Variants in RPS6KA5 observed in about 807,000 individuals in gnomAD.
RPS6KA5 encodes ribosomal protein S6 kinase alpha-5.
Under a neutral mutation model 85.5 loss-of-function variants are expected in RPS6KA5, and 27 were observed. The observed-to-expected ratio is 0.32, with a 90% confidence interval of 0.23 to 0.44. The LOEUF is 0.44. RPS6KA5 is among the 20% of genes least tolerant of loss of function. The probability of loss-of-function intolerance (pLI) is 1.00; values close to 1 mark genes in which losing one functional copy is unlikely to be tolerated. For missense variants in RPS6KA5, 811 were observed against 980.9 expected, an observed-to-expected ratio of 0.83 and a Z score of 2.31; for synonymous variants, 334 against 348.2, an observed-to-expected ratio of 0.96 and a Z score of 0.46.
At chr14:90,896,337 TTTATC>T (rs1298681394) in intron 12 of RPS6KA5, among the ~76,000 whole-genome samples, 1 of 152,238 alleles carries the variant, frequency 6.6e-6, no homozygotes, top group Non-Finnish European at 1.5e-5. Flanking sequence ...GGGATGCTAC[TTTATC>T]TTATTAATTC....
intron 4 of RPS6KA5, among the ~76,000 whole-genome samples, chr14:90,944,190 TTC>T (rs1391224375): frequency 1.4e-4 from 22 of 152,246 alleles, no homozygotes; most frequent in African/African-American, 5.3e-4. Flanking sequence ...TCTGCATGAA[TTC>T]TGTTTCATGT....
chr14:90,993,755 T>A (rs1326044977), intron 2 of RPS6KA5, among the ~76,000 whole-genome samples: 1 of 152,210 alleles, frequency 6.6e-6, no homozygotes. Context: ...TCTTTATACT[T>A]GTATGCAAGT....
intron 1 of RPS6KA5, among the ~76,000 whole-genome samples, chr14:91,026,512 G>A (rs1199368898): frequency 1.3e-5 from 2 of 152,136 alleles, no homozygotes; most frequent in Non-Finnish European, 2.9e-5. Context: ...TTACAGGCAT[G>A]AGCCACCATG....
chr14:90,983,787 T>TTCTCTCTCTCTCTCTCTC (rs770148887), intron 2 of RPS6KA5, among the ~76,000 whole-genome samples: 1 of 129,334 alleles, frequency 7.7e-6, no homozygotes, highest in Non-Finnish European at 1.6e-5. Flanking sequence ...CTTTCTTTCT[T>TTCTCTCTCTCTCTCTCTC]TCTCTCTCTC....
Position 90,978,470 on chromosome 14 carries a change from A to G in RPS6KA5, c.230T>C (p.Leu77Pro). 1 of 1,613,510 alleles carries G rather than the reference A, an allele frequency of 6.2e-7. No homozygotes were observed. The highest frequency in any genetic ancestry group is 8.5e-7 in the Non-Finnish European group (1 of 1,179,740). The change falls in exon 3 of 17, where the codon CTG (leucine) becomes CCG (proline). Residue 77 changes from leucine to proline, a missense_variant. Leu to Pro is a moderately conservative substitution (Grantham distance 98). This residue lies in a region of RPS6KA5 where 113 missense variants were observed against 100.0 expected (regional missense o/e 1.13). Coordinates refer to ENST00000614987, the MANE Select transcript of RPS6KA5 (RefSeq NM_004755.4). ...CTTTTTCAAAACTTTCATGGCATAC[A>G]GCTTTCCAGTATCATGGCCACTTAT... Reference protein sequence around the residue: ...RKISGHDTGKLYAMKVLKKAT... With the variant: ...RKISGHDTGKPYAMKVLKKAT...
chr14:91,038,987 C>T (rs966029111), intron 1 of RPS6KA5, among the ~76,000 whole-genome samples: 3 of 152,122 alleles, frequency 2.0e-5, no homozygotes, highest in African/African-American at 7.2e-5. Context: ...TCACAGTGTA[C>T]CCTGCATTGA....
At chr14:91,058,097 T>A (rs1255318257) in intron 1 of RPS6KA5, among the ~76,000 whole-genome samples, 1 of 152,232 alleles carries the variant, frequency 6.6e-6, no homozygotes, top group Non-Finnish European at 1.5e-5. Flanking sequence ...ATTACTCTGG[T>A]GCCTATTATA....
intron 5 of RPS6KA5, among the ~76,000 whole-genome samples, chr14:90,936,493 G>A (rs1004903144): frequency 2.0e-5 from 3 of 152,126 alleles, no homozygotes; most frequent in Admixed American, 6.5e-5. Flanking sequence ...GACCCCAGGA[G>A]GCAGAAGTTG....
intron 8 of RPS6KA5, 125 bp from the exon 9 acceptor site, chr14:90,903,094 A>G (rs1595169536): frequency 1.3e-6 from 1 of 789,492 alleles, no homozygotes; most frequent in East Asian, 2.7e-5. Flanking sequence ...AACATATTTC[A>G]AATCAATAAT....
intron 1 of RPS6KA5, among the ~76,000 whole-genome samples, chr14:91,031,119 C>T (rs2042171090): frequency 6.6e-6 from 1 of 151,974 alleles, no homozygotes; most frequent in Admixed American, 6.5e-5. Context: ...TAAAACCTTC[C>T]AGAGATTTTA....
chr14:91,032,241 T>C (rs1387853094), intron 1 of RPS6KA5, among the ~76,000 whole-genome samples: 2 of 152,200 alleles, frequency 1.3e-5, no homozygotes, highest in Non-Finnish European at 2.9e-5. Context: ...CCATATTCTT[T>C]TGTGAATGTG....
intron 8 of RPS6KA5, 54 bp downstream of exon 8, chr14:90,906,095 G>C: frequency 6.7e-7 from 1 of 1,490,518 alleles, no homozygotes. Context: ...AGAACGCCAA[G>C]GACCCTGAAA....
intron 8 of RPS6KA5, among the ~76,000 whole-genome samples, chr14:90,904,052 C>T (rs1273775264): frequency 6.6e-6 from 1 of 151,996 alleles, no homozygotes; most frequent in African/African-American, 2.4e-5. Context: ...TGAGTTCACG[C>T]CATTCTCCTG....
intron 5 of RPS6KA5, among the ~76,000 whole-genome samples, chr14:90,924,227 A>G (rs1008785300): frequency 5.3e-5 from 8 of 152,158 alleles, no homozygotes; most frequent in Admixed American, 2.6e-4. Context: ...TTGCCATCTT[A>G]CCCAGTTCTA....
intron 1 of RPS6KA5, among the ~76,000 whole-genome samples, chr14:91,050,306 A>C (rs1484400849): frequency 6.6e-6 from 1 of 152,214 alleles, no homozygotes; most frequent in Non-Finnish European, 1.5e-5. Context: ...ACTTGAGCCC[A>C]AGAGTTTGAA....
intron 1 of RPS6KA5, among the ~76,000 whole-genome samples, chr14:91,022,653 T>C (rs2041830866): frequency 6.6e-6 from 1 of 152,232 alleles, no homozygotes; most frequent in Non-Finnish European, 1.5e-5. Flanking sequence ...TTCTGTGTGT[T>C]ACATTTCAAG....
At chr14:90,971,582 C>T (rs1197778056) in intron 3 of RPS6KA5, among the ~76,000 whole-genome samples, 1 of 152,156 alleles carries the variant, frequency 6.6e-6, no homozygotes, top group Non-Finnish European at 1.5e-5. Context: ...TTACTAAAAG[C>T]AAAATGTCAC....
At chr14:90,956,755 A>C (rs1036906910) in intron 3 of RPS6KA5, among the ~76,000 whole-genome samples, 1 of 151,602 alleles carries the variant, frequency 6.6e-6, no homozygotes, top group African/African-American at 2.4e-5. Flanking sequence ...GTTTATACCA[A>C]CTTCTGGTTA....
chr14:90,882,938 T>C (rs561643461), intron 14 of RPS6KA5, among the ~76,000 whole-genome samples: 38 of 152,106 alleles, frequency 2.5e-4, no homozygotes, highest in South Asian at 2.5e-3. Context: ...GCTGGGATTA[T>C]AGGTGTGTGC....
Sources: gnomAD v4.1 joint callset for allele counts (sites outside exome capture counted in the v4.1 genomes callset) on GRCh38, gnomAD v4.1.1 for gene constraint, gnomAD v4.1.1 regional missense constraint, MANE v1.5 for transcripts, NCBI Gene and HGNC (gene_info 2026-07-23, HGNC 2026-07-21) for gene names.